Variants in PODXL observed in about 807,000 individuals in gnomAD.
PODXL encodes podocalyxin.
A neutral mutation model predicts 48.9 loss-of-function variants in PODXL; 20 were observed. That is an observed-to-expected ratio of 0.41 (90% CI 0.29 to 0.59). The LOEUF is 0.59. Among genes scored for constraint, PODXL ranks in the 20% least tolerant of loss-of-function variants. PODXL has a pLI of 0.31. For synonymous variants in PODXL, 295 were observed against 287.4 expected (o/e 1.03, Z -0.27); for missense variants, 606 against 675.1 (o/e 0.90, Z 1.13).
chr7:131,534,288 G>C (rs946641891), intron 1 of PODXL, among the ~76,000 whole-genome samples: 1 of 152,240 alleles, frequency 6.6e-6, no homozygotes, highest in Non-Finnish European at 1.5e-5. Context: ...AGCTGAGCCT[G>C]AACCTTCCTG....
At chr7:131,556,222 C>T (rs1157230813) in intron 1 of PODXL, 38 bp downstream of exon 1, 3 of 1,435,858 alleles carry the variant, frequency 2.1e-6, no homozygotes, top group Non-Finnish European at 2.7e-6. Context: ...CACATGGGCA[C>T]GGTGGGAGTC....
intron 1 of PODXL, among the ~76,000 whole-genome samples, chr7:131,535,312 C>T (rs576587453): frequency 3.3e-5 from 5 of 151,960 alleles, no homozygotes; most frequent in African/African-American, 1.2e-4. Context: ...TGAACTGCAC[C>T]CCTAAAAATG....
intron 1 of PODXL, among the ~76,000 whole-genome samples, chr7:131,533,568 G>A (rs918787557): frequency 2.6e-5 from 4 of 152,192 alleles, no homozygotes; most frequent in Non-Finnish European, 4.4e-5. Context: ...CTTCGCTTGG[G>A]TGCATTTCTC....
rs78732228 is a variant in PODXL, at chr7:131,502,895, A to G, written c.*1416T>C. ...ACTGCAAGAGAACCGCAGCAGCCCC[A>G]CTAGGCTCACAGAGAAGAGGAACAG... On this transcript the variant is annotated 3_prime_UTR_variant, in exon 9 of 9. Transcript: ENST00000378555. 0.033 allele frequency: 5,050 copies of G among 152,848 alleles called. 270 individuals are homozygous for G. Among genetic ancestry groups the G allele is most frequent in the African/African-American group, 0.11 (4,738 of 41,534 alleles). 9.5% of individuals were successfully genotyped at this position (152,848 alleles called of 1,614,324 possible). A position where few individuals can be genotyped will look rare whatever the true frequency, so the allele number is the denominator to read the frequency against.
At chr7:131,538,545 G>A (rs970886917) in intron 1 of PODXL, among the ~76,000 whole-genome samples, 7 of 152,320 alleles carry the variant, frequency 4.6e-5, no homozygotes, top group African/African-American at 1.7e-4. Flanking sequence ...TCAGCAGGAA[G>A]CTTCTAGATA....
At chr7:131,537,451 G>T (rs1013625765) in intron 1 of PODXL, among the ~76,000 whole-genome samples, 8 of 152,152 alleles carry the variant, frequency 5.3e-5, no homozygotes, top group Non-Finnish European at 1.2e-4. Context: ...GCTGGGCATG[G>T]TAGCACGTGC....
intron 1 of PODXL, among the ~76,000 whole-genome samples, chr7:131,524,536 T>C (rs1201867854): frequency 6.6e-6 from 1 of 152,244 alleles, no homozygotes; most frequent in Middle Eastern, 3.4e-3. Context: ...CATTAGTCAT[T>C]AGACAAATTC....
At chr7:131,537,783 T>C (rs1331505602) in intron 1 of PODXL, among the ~76,000 whole-genome samples, 3 of 152,158 alleles carry the variant, frequency 2.0e-5, no homozygotes, top group African/African-American at 7.2e-5. Context: ...TTCGGGGTTG[T>C]GTCTGTTGTG....
intron 7 of PODXL, 27 bp from the exon 8 acceptor site, chr7:131,506,062 C>T: frequency 6.3e-7 from 1 of 1,599,554 alleles, no homozygotes; most frequent in Non-Finnish European, 8.5e-7. Context: ...AGAGAACAGG[C>T]TGGGGGCATC....
intron 1 of PODXL, among the ~76,000 whole-genome samples, chr7:131,544,938 G>A (rs1320533585): frequency 1.3e-5 from 2 of 152,166 alleles, no homozygotes; most frequent in African/African-American, 4.8e-5. Flanking sequence ...CACTATGACA[G>A]TGCTGGCTAC....
At chr7:131,526,160 C>T (rs1798182081) in intron 1 of PODXL, among the ~76,000 whole-genome samples, 1 of 151,900 alleles carries the variant, frequency 6.6e-6, no homozygotes, top group African/African-American at 2.4e-5. Context: ...AAGGAAAATG[C>T]AAGATAAGCC....
intron 1 of PODXL, among the ~76,000 whole-genome samples, chr7:131,547,528 A>C (rs1367642111): frequency 6.6e-6 from 1 of 152,228 alleles, no homozygotes; most frequent in African/African-American, 2.4e-5. Flanking sequence ...CAAGTCTGAG[A>C]TCACAAGGCT....
intron 1 of PODXL, among the ~76,000 whole-genome samples, chr7:131,547,719 G>A (rs570205326): frequency 6.6e-5 from 10 of 152,296 alleles, no homozygotes; most frequent in South Asian, 4.1e-4. Flanking sequence ...GAGGATGGAC[G>A]TAAAACTCCC....
intron 1 of PODXL, among the ~76,000 whole-genome samples, chr7:131,541,089 G>A (rs1462732493): frequency 6.6e-6 from 1 of 152,166 alleles, no homozygotes; most frequent in Non-Finnish European, 1.5e-5. Context: ...TTCACAGCAG[G>A]GCACGTTCCC....
In PODXL at chr7:131,556,537, C is replaced by T. The variant is rs1285521466; in HGVS notation, c.-178G>A. 8.5e-6 allele frequency: 6 copies of T among 703,208 alleles called. No individual in the cohort carries two copies. The East Asian group carries it at 1.5e-4, about 17-fold the overall frequency. 43.6% of individuals were successfully genotyped at this position (703,208 alleles called of 1,614,324 possible). ...CGGCTCTTCCTCCCTGCCGCTGCAG[C>T]AGAGCCGGGCTGGGGCGCAGAGCCA... is the stretch of plus-strand genomic sequence containing the variant. On this transcript the variant is annotated 5_prime_UTR_variant, in exon 1 of 9. Coordinates refer to ENST00000378555, the MANE Select transcript of PODXL (RefSeq NM_001018111.3).
At position 131,506,272 on chromosome 7, in the gene PODXL, A is replaced by C. The variant is rs147338873; in HGVS notation, c.1299T>G (p.Asp433Glu). ...GGGGGCCGCTTACCTCCTTTAGTTC[A>C]TCCCATTTGTCCTTCAGCCGCTCGT... ...DVYERLKDKWDELKEAGVSDM... is the reference protein window; with the variant it reads ...DVYERLKDKWEELKEAGVSDM... The change falls in exon 7 of 9, where the codon GAT (aspartate) becomes GAG (glutamate). Residue 433 changes from aspartate (D) to glutamate (E), a missense_variant. Coordinates refer to ENST00000378555, the MANE Select transcript of PODXL (RefSeq NM_001018111.3). 2.4e-3 allele frequency: 3,933 copies of C among 1,614,072 alleles called. 9 individuals are homozygous for C. The highest frequency in any genetic ancestry group is 2.9e-3 in the Non-Finnish European group (3,440 of 1,179,976).
chr7:131,504,406 C>T lies in PODXL; in HGVS notation c.1582G>A (p.Val528Ile). Residue 528 changes from valine to isoleucine, a missense_variant, in exon 9 of 9, where the codon GTC becomes ATC. Physicochemically the swap from Val to Ile is conservative, Grantham distance 29 (BLOSUM62 3). Coordinates refer to ENST00000378555, the MANE Select transcript of PODXL (RefSeq NM_001018111.3). ...TSSEMQEKKV[V>I]SLNGELGDSW... is the part of the protein sequence containing the mutation. ...TCCCCCAGCTCCCCGTTGAGGCTGA[C>T]CACCTTCTTCTCCTGCATCTCAGAA... The T allele has an allele frequency of 1.2e-6, 2 of 1,614,200 alleles. No individual in the cohort carries two copies. The highest frequency in any genetic ancestry group is 1.7e-6 in the Non-Finnish European group (2 of 1,180,012).
chr7:131,518,967 G>T (rs1798052930), intron 1 of PODXL, among the ~76,000 whole-genome samples: 1 of 152,112 alleles, frequency 6.6e-6, no homozygotes, highest in African/African-American at 2.4e-5. Context: ...ATCCCTGTGG[G>T]TCCCTCCACA....
chr7:131,504,890 G>A (rs1797772792), intron 8 of PODXL, among the ~76,000 whole-genome samples: 1 of 152,152 alleles, frequency 6.6e-6, no homozygotes, highest in African/African-American at 2.4e-5. Context: ...CTCGGGCTGG[G>A]TGACTGAGCC....
Sources: allele counts gnomAD v4.1 joint callset (sites outside exome capture counted in the v4.1 genomes callset), GRCh38; gene constraint gnomAD v4.1.1; transcripts MANE v1.5; gene names NCBI Gene and HGNC (gene_info 2026-07-23, HGNC 2026-07-21).